RNGTT: variants seen among roughly 807,000 people sequenced by gnomAD.
RNGTT encodes mRNA-capping enzyme.
A neutral mutation model predicts 79.3 loss-of-function variants in RNGTT; 33 were observed. The ratio of observed to expected loss-of-function variants is 0.42; its 90% CI spans 0.32 to 0.56. The LOEUF (loss-of-function observed/expected upper bound fraction) is 0.56, where lower values mean the gene tolerates loss of function less well. Ranked by LOEUF, RNGTT falls within the 20% of genes least tolerant of loss-of-function variation. The probability of loss-of-function intolerance (pLI) is 0.17; values close to 1 mark genes in which losing one functional copy is unlikely to be tolerated. For missense variants in RNGTT, 497 were observed against 739.1 expected (o/e 0.67, Z 3.80); for synonymous variants, 222 against 235.9 (o/e 0.94, Z 0.54).
intron 12 of RNGTT, among the ~76,000 whole-genome samples, chr6:88,791,632 T>C (rs529353355): frequency 3.0e-4 from 45 of 152,220 alleles, no homozygotes; most frequent in African/African-American, 4.3e-4. Flanking sequence ...CTCCGCCTCC[T>C]GGGTTAACGC....
intron 13 of RNGTT, among the ~76,000 whole-genome samples, chr6:88,759,586 A>C (rs1778138875): frequency 6.6e-6 from 1 of 152,134 alleles, no homozygotes. Flanking sequence ...AAATATTTTA[A>C]AAATTCTAAT....
intron 5 of RNGTT, among the ~76,000 whole-genome samples, chr6:88,905,184 T>C (rs1345292519): frequency 1.3e-5 from 2 of 152,172 alleles, no homozygotes; most frequent in Non-Finnish European, 2.9e-5. Flanking sequence ...AAAAATAAAT[T>C]GCTATGAGTA....
chr6:88,963,500 G>C lies in RNGTT; in HGVS notation c.-91C>G, dbSNP rs979505887. 6.0e-5 allele frequency: 74 copies of C among 1,239,620 alleles called. No individual in the cohort carries two copies. The highest frequency in any genetic ancestry group is 7.5e-5 in the Non-Finnish European group (69 of 915,824). The allele number at this position is 1,239,620 out of a possible 1,614,324, so 76.8% of individuals were successfully genotyped here. On this transcript the variant is annotated 5_prime_UTR_variant, in exon 1 of 16. Coordinates refer to ENST00000369485, the MANE Select transcript of RNGTT (RefSeq NM_003800.5). The stretch of plus-strand genomic sequence containing the variant: ...CGTGGTCCGGTGCACACCGGGGTCC[G>C]AGACACCCGAATCGCAGCCGTAATC...
chr6:88,896,989 T>C (rs1213897618), intron 6 of RNGTT, among the ~76,000 whole-genome samples: 1 of 152,194 alleles, frequency 6.6e-6, no homozygotes, highest in African/African-American at 2.4e-5. Flanking sequence ...ACTCTACCTT[T>C]TGATTCAATA....
chr6:88,906,052 C>T (rs115013711), intron 5 of RNGTT, among the ~76,000 whole-genome samples: 3,332 of 152,134 alleles, frequency 0.022, 123 homozygotes, highest in African/African-American at 0.076. Flanking sequence ...GAGGCTGAGG[C>T]GGGAGGATTG....
At chr6:88,911,739 T>A (rs574190625) in intron 4 of RNGTT, among the ~76,000 whole-genome samples, 44 of 152,202 alleles carry the variant, frequency 2.9e-4, no homozygotes, top group Admixed American at 5.2e-4. Flanking sequence ...ATCTCTGATA[T>A]GCAGCAAAAT....
At chr6:88,811,748 T>C (rs1780146303) in intron 11 of RNGTT, among the ~76,000 whole-genome samples, 1 of 152,148 alleles carries the variant, frequency 6.6e-6, no homozygotes, top group African/African-American at 2.4e-5. Context: ...TAAAAAAGAA[T>C]AAACTACCTC....
In RNGTT at chr6:88,610,269, T is replaced by C. The variant is rs1349634111; in HGVS notation, c.*2450A>G. The C allele has an allele frequency of 6.5e-6, 1 of 152,674 alleles. No individual in the cohort carries two copies. Among genetic ancestry groups the C allele is most frequent in the South Asian group, 2.1e-4 (1 of 4,834 alleles). The allele number at this position is 152,674 out of a possible 1,614,324, so 9.5% of individuals were successfully genotyped here. A position where few individuals can be genotyped will look rare whatever the true frequency, so the allele number is the denominator to read the frequency against. Reference sequence around the variant, plus strand: ...CAGTAAAACAAAGTAGATACACTTATGCTAATTTAAATCAGTAGTTTTATT... The same window carrying C: ...CAGTAAAACAAAGTAGATACACTTACGCTAATTTAAATCAGTAGTTTTATT... On this transcript the variant is annotated 3_prime_UTR_variant, in exon 16 of 16. Transcript: ENST00000369485.
intron 13 of RNGTT, among the ~76,000 whole-genome samples, chr6:88,689,875 C>CAA (rs58459877): frequency 6.0e-5 from 8 of 133,176 alleles, no homozygotes; most frequent in South Asian, 2.5e-4. Flanking sequence ...GTAACAATTA[C>CAA]AAAAAAAAAA....
At chr6:88,697,327 G>C (rs1013536308) in intron 13 of RNGTT, among the ~76,000 whole-genome samples, 4 of 151,990 alleles carry the variant, frequency 2.6e-5, no homozygotes, top group Non-Finnish European at 5.9e-5. Context: ...CGCGGTGGGT[G>C]GATCACGAGG....
intron 12 of RNGTT, among the ~76,000 whole-genome samples, chr6:88,800,111 A>C (rs1779736172): frequency 6.6e-6 from 1 of 152,166 alleles, no homozygotes. Context: ...CACATATCAC[A>C]TTGTCTCTAA....
At chr6:88,702,959 A>G (rs1775995493) in intron 13 of RNGTT, among the ~76,000 whole-genome samples, 1 of 152,202 alleles carries the variant, frequency 6.6e-6, no homozygotes, top group Non-Finnish European at 1.5e-5. Context: ...AATGCTCCAC[A>G]TCACTACTCA....
chr6:88,813,128 C>T (rs1428502360), intron 11 of RNGTT, among the ~76,000 whole-genome samples: 2 of 152,130 alleles, frequency 1.3e-5, no homozygotes, highest in East Asian at 3.8e-4. Flanking sequence ...AAACAAATTG[C>T]TGAAACGCTG....
chr6:88,754,047 CAAT>C (rs1408233834), intron 13 of RNGTT, among the ~76,000 whole-genome samples: 3 of 151,870 alleles, frequency 2.0e-5, no homozygotes, highest in Non-Finnish European at 4.4e-5. Context: ...AGAAAAGAAA[CAAT>C]AAAGTCAAAA....
chr6:88,777,882 G>GTTT (rs550446709), intron 12 of RNGTT, among the ~76,000 whole-genome samples: 16 of 152,118 alleles, frequency 1.1e-4, no homozygotes, highest in Non-Finnish European at 1.9e-4. Flanking sequence ...GGATTTTACA[G>GTTT]GAAAAGCTTT....
intron 8 of RNGTT, among the ~76,000 whole-genome samples, chr6:88,886,031 C>A (rs528828669): frequency 6.6e-6 from 1 of 152,152 alleles, no homozygotes. Context: ...AGAGGCCGGG[C>A]GCGGTGGCTC....
chr6:88,871,260 C>T (rs1782344699), intron 8 of RNGTT, among the ~76,000 whole-genome samples: 1 of 151,918 alleles, frequency 6.6e-6, no homozygotes, highest in Admixed American at 6.6e-5. Flanking sequence ...TTTACAACCA[C>T]ACAGAAATTT....
At chr6:88,920,069 T>C (rs1033258327) in intron 4 of RNGTT, among the ~76,000 whole-genome samples, 6 of 152,052 alleles carry the variant, frequency 3.9e-5, no homozygotes, top group African/African-American at 1.2e-4. Flanking sequence ...ATTGTTACAA[T>C]TTGTGGGATG....
At chr6:88,737,704 G>A (rs12215147) in intron 13 of RNGTT, among the ~76,000 whole-genome samples, 1,965 of 152,178 alleles carry the variant, frequency 0.013, 16 homozygotes, top group Non-Finnish European at 0.019. Context: ...GAGAGCATCC[G>A]CGACTCAAGG....
Sources: allele counts gnomAD v4.1 joint callset (sites outside exome capture counted in the v4.1 genomes callset), GRCh38; gene constraint gnomAD v4.1.1; transcripts MANE v1.5; gene names NCBI Gene and HGNC (gene_info 2026-07-23, HGNC 2026-07-21).